TOP1MT: variants seen among roughly 807,000 people sequenced by gnomAD.
TOP1MT encodes the protein DNA topoisomerase I, mitochondrial.
Under a neutral mutation model 73.9 loss-of-function variants are expected in TOP1MT, and 80 were observed. That is an observed-to-expected ratio of 1.08 (90% CI 0.90 to 1.30). The LOEUF (loss-of-function observed/expected upper bound fraction) is 1.30. Ranked by LOEUF, TOP1MT falls within the 50% of genes most tolerant of loss-of-function variation. The pLI, the probability that TOP1MT is intolerant of heterozygous loss-of-function variation, is 0.00. For synonymous variants in TOP1MT, 338 were observed against 326.4 expected (o/e 1.04, Z -0.38); for missense variants, 815 against 808.0 (o/e 1.01, Z -0.10).
chr8:143,318,187 CCT>C, intron 8 of TOP1MT, 101 bp from the exon 9 acceptor site: 1 of 1,077,876 alleles, frequency 9.3e-7, no homozygotes, highest in Admixed American at 2.0e-5. Flanking sequence ...GGGAGGCTTC[CCT>C]GAGGAAGGTG....
intron 7 of TOP1MT, 86 bp from the exon 8 acceptor site, chr8:143,321,472 GCACGCCACAC>G: frequency 1.0e-6 from 1 of 962,556 alleles, no homozygotes; most frequent in East Asian, 3.1e-5. Flanking sequence ...CGCCACACAC[GCACGCCACAC>G]GCACGCCACA....
At chr8:143,324,229 C>G in intron 6 of TOP1MT, 87 bp from the exon 7 acceptor site, 2 of 1,552,856 alleles carry the variant, frequency 1.3e-6, no homozygotes, top group Admixed American at 3.4e-5. Context: ...CCCCAAACCT[C>G]GTGCTTCTCC....
intron 12 of TOP1MT, 62 bp downstream of exon 12, chr8:143,315,665 G>T: frequency 7.3e-7 from 1 of 1,362,594 alleles, no homozygotes; most frequent in Non-Finnish European, 1.0e-6. Context: ...ACCCTGTGGG[G>T]CTGGACCCTA....
intron 12 of TOP1MT, 35 bp downstream of exon 12, chr8:143,315,692 C>T (rs1453249443): frequency 2.5e-6 from 4 of 1,580,052 alleles, no homozygotes; most frequent in Middle Eastern, 1.7e-4. Context: ...GGGACAGGGC[C>T]CCGGGAGAAG....
At chr8:143,328,686 A>C (rs1816769293) in intron 3 of TOP1MT, among the ~76,000 whole-genome samples, 1 of 152,266 alleles carries the variant, frequency 6.6e-6, no homozygotes, top group East Asian at 1.9e-4. Context: ...CAAAGGCCTA[A>C]AACAGGAATT....
chr8:143,314,228 G>A (rs1816090949), intron 12 of TOP1MT, among the ~76,000 whole-genome samples: 1 of 152,082 alleles, frequency 6.6e-6, no homozygotes, highest in Non-Finnish European at 1.5e-5. Flanking sequence ...AACCTCCTTG[G>A]CGGCCAGGGT....
In TOP1MT at chr8:143,344,088, T is replaced by G. The variant is rs1261955967; in HGVS notation, c.-38-802A>C. ...CGAGAAAGGTGAGAGGAGGCCCTGT[T>G]GTAACACAGCTGGAAAGCAGGATTC... On this transcript the variant is annotated intron_variant, in intron 1 of 5. Coordinates refer to the TOP1MT transcript ENST00000518007. This position sits in a 1 kb window ranked among gnomAD's most constrained non-coding sequence, Gnocchi z 4.6. 2 of 152,256 alleles carry G rather than the reference T, an allele frequency of 1.3e-5. No individual in the cohort carries two copies. Among genetic ancestry groups the G allele is most frequent in the Non-Finnish European group, 2.9e-5 (2 of 68,084 alleles). 9.4% of individuals were successfully genotyped at this position (152,256 alleles called of 1,614,324 possible). A position where few individuals can be genotyped will look rare whatever the true frequency, so the allele number is the denominator to read the frequency against.
intron 1 of TOP1MT, among the ~76,000 whole-genome samples, chr8:143,352,014 G>A (rs1326098053): frequency 6.6e-6 from 1 of 152,232 alleles, no homozygotes; most frequent in African/African-American, 2.4e-5. Context: ...CCTGGGAGGT[G>A]GAGGTTGTGG....
upstream of TOP1MT, chr8:143,359,407 G>A (rs1178959896): frequency 2.0e-6 from 2 of 985,302 alleles, no homozygotes; most frequent in Non-Finnish European, 1.2e-6. Flanking sequence ...CCGTCACTCT[G>A]GGGCAGAAGA....
At chr8:143,355,364 C>G (rs1328245402) in intron 1 of TOP1MT, 2 of 152,218 alleles carry the variant, frequency 1.3e-5, no homozygotes, top group Non-Finnish European at 2.9e-5. Flanking sequence ...AGCCTGCCAT[C>G]AAGCCACGGA....
At chr8:143,311,257 C>A (rs1257772544) in intron 12 of TOP1MT, among the ~76,000 whole-genome samples, 3 of 151,788 alleles carry the variant, frequency 2.0e-5, no homozygotes, top group Non-Finnish European at 4.4e-5. Context: ...GCATGAGCAA[C>A]CTTGCCTGGC....
chr8:143,331,106 G>C (rs1348707100), intron 2 of TOP1MT, 118 bp downstream of exon 2: 1 of 747,788 alleles, frequency 1.3e-6, no homozygotes, highest in East Asian at 2.6e-5. Context: ...AGAGGGCACA[G>C]AGCGCTCATA....
At chr8:143,330,337 G>C (rs1030850133) in intron 2 of TOP1MT, among the ~76,000 whole-genome samples, 18 of 152,212 alleles carry the variant, frequency 1.2e-4, no homozygotes, top group African/African-American at 4.1e-4. Flanking sequence ...GGCTGCTGTG[G>C]GGCAGGCGAG....
chr8:143,315,998 C>G lies in TOP1MT; in HGVS notation c.1458+1G>C. On this transcript the variant is annotated splice_donor_variant, in intron 11 of 13. Coordinates refer to ENST00000329245, the MANE Select transcript of TOP1MT (RefSeq NM_052963.3). LOFTEE classifies it high-confidence loss of function. ...CTGGGGGCTCTCCTGGGAGCTGCTA[C>G]CTTCGTCTGGAGATTCTGCATCGAC... 6.2e-7 allele frequency: 1 copy of G among 1,614,178 alleles called. No individual in the cohort carries two copies. The highest frequency in any genetic ancestry group is 8.5e-7 in the Non-Finnish European group (1 of 1,179,996).
At chr8:143,310,478 T>C (rs942213967) in intron 12 of TOP1MT, 1 of 358,976 alleles carries the variant, frequency 2.8e-6, no homozygotes. Flanking sequence ...GAGGGTGAGA[T>C]GCTCGACACA....
intron 2 of TOP1MT, among the ~76,000 whole-genome samples, chr8:143,330,895 C>T (rs1289066287): frequency 2.2e-5 from 3 of 135,266 alleles, no homozygotes; most frequent in South Asian, 2.2e-4. Context: ...ACGCAGTGTA[C>T]GTACTGTGTA....
At chr8:143,346,957 A>C (rs138847315), upstream of TOP1MT, among the ~76,000 whole-genome samples, 1,418 of 115,714 alleles carry the variant, frequency 0.012, 11 homozygotes, top group Non-Finnish European at 0.015. Context: ...TCACTTCTTT[A>C]TTTATTTATT....
chr8:143,323,602 C>T (rs202133318), intron 7 of TOP1MT, among the ~76,000 whole-genome samples: 1 of 100,538 alleles, frequency 9.9e-6, no homozygotes, highest in African/African-American at 3.3e-5. Flanking sequence ...CACACACACG[C>T]ACGCCACACA....
At chr8:143,337,110 C>T (rs988999635), upstream of TOP1MT, among the ~76,000 whole-genome samples, 17 of 152,158 alleles carry the variant, frequency 1.1e-4, no homozygotes, top group African/African-American at 3.1e-4. Flanking sequence ...CCCATGTTCA[C>T]GGACTGGATG....
Sources: allele counts gnomAD v4.1 joint callset (sites outside exome capture counted in the v4.1 genomes callset), GRCh38; gene constraint gnomAD v4.1.1; non-coding constraint Gnocchi (gnomAD v3.1); transcripts MANE v1.5; gene names NCBI Gene and HGNC (gene_info 2026-07-23, HGNC 2026-07-21).